The following KCNMA1 variants were observed in gnomAD, a reference collection of about 807,000 sequenced individuals.
KCNMA1 encodes Calcium-activated potassium channel subunit alpha-1.
KCNMA1 carries 29 observed loss-of-function variants against 140.0 expected under a neutral mutation model. The observed-to-expected ratio is 0.21, with a 90% confidence interval of 0.15 to 0.28. KCNMA1 has a LOEUF of 0.28. Among genes scored for constraint, KCNMA1 ranks in the 10% least tolerant of loss-of-function variants. The probability of loss-of-function intolerance (pLI) is 1.00; values close to 1 mark genes in which losing one functional copy is unlikely to be tolerated. For synonymous variants in KCNMA1, 612 were observed against 611.9 expected, an observed-to-expected ratio of 1.00 and a Z score of 0.00; for missense variants, 880 against 1,602.2, an observed-to-expected ratio of 0.55 and a Z score of 7.70.
At chr10:77,077,111 A>T (rs536183320) in intron 13 of KCNMA1, among the ~76,000 whole-genome samples, 30 of 152,350 alleles carry the variant, frequency 2.0e-4, no homozygotes, top group African/African-American at 7.2e-4. Context: ...CTCAGGAAAC[A>T]CAGCAAAACT....
chr10:76,954,072 C>T, intron 20 of KCNMA1, 148 bp from the exon 21 acceptor site: 1 of 942,206 alleles, frequency 1.1e-6, no homozygotes, highest in South Asian at 1.4e-5. Flanking sequence ...AGAATCCATC[C>T]TTTGAGAGAC....
At chr10:77,292,721 TA>T in intron 2 of KCNMA1, among the ~76,000 whole-genome samples, 1 of 152,348 alleles carries the variant, frequency 6.6e-6, no homozygotes, top group Non-Finnish European at 1.5e-5. Flanking sequence ...GCTAGGGTAA[TA>T]GTTCCCTACA....
rs539044917 is a variant in KCNMA1, at chr10:77,081,561, G to A, written c.1524-2011C>T. 4.3e-3 allele frequency among the ~76,000 whole-genome samples: 652 copies of A among 152,304 alleles called. 1 individual carries two copies. Among genetic ancestry groups the A allele is most frequent in the Non-Finnish European group, 7.1e-3 (482 of 68,030 alleles). ...TCACCCCTTTTAGTGCAGAAATGGA[G>A]AGAAGGCAGCCAGGGAGCAGCTTTA... On this transcript the variant is annotated intron_variant, in intron 12 of 27. Coordinates refer to ENST00000286628, the MANE Select transcript of KCNMA1 (RefSeq NM_001161352.2).
intron 1 of KCNMA1, among the ~76,000 whole-genome samples, chr10:77,449,833 G>A (rs953369424): frequency 2.3e-4 from 35 of 151,838 alleles, no homozygotes; most frequent in African/African-American, 7.0e-4. Flanking sequence ...TAGTAGAGAC[G>A]GGGTTTCACT....
rs563099556 is a variant in KCNMA1 at position 77,496,805 on chromosome 10, G to A, written c.379-92782C>T. 3.9e-5 allele frequency among the ~76,000 whole-genome samples: 6 copies of A among 152,194 alleles called. 1 individual carries two copies. In the South Asian group the frequency reaches 1.2e-3, roughly 32 times the overall value. On this transcript the variant is annotated intron_variant, in intron 1 of 27. Transcript: ENST00000286628. ...GTTGACCAGGACACAGCACTAGCAA[G>A]AGCCTGAGGACACCTGGCTCCTGCT...
chr10:77,148,641 T>G (rs1411143634), intron 5 of KCNMA1, among the ~76,000 whole-genome samples: 1 of 152,212 alleles, frequency 6.6e-6, no homozygotes, highest in Non-Finnish European at 1.5e-5. Context: ...TGCCAATTTT[T>G]TTCTGTAAAG....
At chr10:77,568,767 T>C (rs2069495164) in intron 1 of KCNMA1, among the ~76,000 whole-genome samples, 1 of 151,120 alleles carries the variant, frequency 6.6e-6, no homozygotes, top group African/African-American at 2.4e-5. Flanking sequence ...ATAAAGGGTA[T>C]TCAATTAGAA....
At chr10:77,017,916 C>T (rs1439585057) in intron 17 of KCNMA1, among the ~76,000 whole-genome samples, 1 of 152,116 alleles carries the variant, frequency 6.6e-6, no homozygotes, top group Non-Finnish European at 1.5e-5. Context: ...AACCTAGTAC[C>T]TAGAATAGTG....
At chr10:77,336,431 T>TA (rs545696225) in intron 2 of KCNMA1, among the ~76,000 whole-genome samples, 334 of 119,904 alleles carry the variant, frequency 2.8e-3, no homozygotes, top group African/African-American at 5.3e-3. Context: ...ACTCAATGCT[T>TA]AAAAAAAAAA....
chr10:77,031,894 TAGAATCTCATGACTGGCTGG>T lies in KCNMA1; in HGVS notation c.1860-4023_1860-4004del, dbSNP rs1034533440. Among the ~76,000 whole-genome samples the T allele has an allele frequency of 4.6e-5, 7 of 152,056 alleles. No individual in the cohort carries two copies. The South Asian group carries it at 1.0e-3, about 23-fold the overall frequency. ...AATAAATGCATGTATGAATGGGGAGTAGAATCTCATGACTGGCTGGAGGGATGGAGAAAAGATAAAGTGGC... is the reference window on the plus strand; with the variant it reads ...AATAAATGCATGTATGAATGGGGAGTAGGGATGGAGAAAAGATAAAGTGGC... On this transcript the variant is annotated intron_variant, in intron 15 of 27. Transcript: ENST00000286628.
At chr10:77,349,957 G>A (rs192335974) in intron 2 of KCNMA1, among the ~76,000 whole-genome samples, 4 of 151,602 alleles carry the variant, frequency 2.6e-5, no homozygotes, top group East Asian at 1.9e-4. Flanking sequence ...ATAGTGGTAC[G>A]ATCTCGGCTT....
At chr10:77,090,573 C>A in intron 9 of KCNMA1, 63 bp from the exon 10 acceptor site, 1 of 1,078,780 alleles carries the variant, frequency 9.3e-7, no homozygotes, top group Non-Finnish European at 1.4e-6. Flanking sequence ...ATCCCACCCC[C>A]TGGCAAGACA....
chr10:77,480,047 T>C (rs1002679380), intron 1 of KCNMA1, among the ~76,000 whole-genome samples: 1 of 152,210 alleles, frequency 6.6e-6, no homozygotes, highest in Non-Finnish European at 1.5e-5. Context: ...AACCGTCTCA[T>C]GGGCAGACCT....
At chr10:77,155,726 C>G (rs1279871997) in intron 5 of KCNMA1, among the ~76,000 whole-genome samples, 1 of 152,152 alleles carries the variant, frequency 6.6e-6, no homozygotes, top group South Asian at 2.1e-4. Flanking sequence ...AAAAATGAAC[C>G]TGGGTGAGTA....
chr10:77,468,862 A>C (rs7924171), intron 1 of KCNMA1, among the ~76,000 whole-genome samples: 32,366 of 152,134 alleles, frequency 0.21, 3,525 homozygotes, highest in Middle Eastern at 0.28. Flanking sequence ...GGTGTCCAGC[A>C]AATGTTTCTT....
At chr10:77,012,493 T>C (rs1407269232) in intron 17 of KCNMA1, 1 of 1,550,248 alleles carries the variant, frequency 6.5e-7, no homozygotes, top group Admixed American at 2.0e-5. Flanking sequence ...CAAATAAAAA[T>C]ATCAAGCTTG....
intron 1 of KCNMA1, among the ~76,000 whole-genome samples, chr10:77,579,107 G>T (rs553134418): frequency 2.2e-4 from 33 of 152,270 alleles, no homozygotes; most frequent in African/African-American, 7.9e-4. Context: ...AAGCCTTCTT[G>T]GAGAAGGGGA....
At chr10:77,602,121 T>C (rs2082847076) in intron 1 of KCNMA1, among the ~76,000 whole-genome samples, 1 of 152,220 alleles carries the variant, frequency 6.6e-6, no homozygotes, top group South Asian at 2.1e-4. Flanking sequence ...AACTCACCAA[T>C]GCCTGACAGC....
chr10:76,889,631 A>G (rs1037016750), intron 26 of KCNMA1, 62 bp from the exon 27 acceptor site: 7 of 1,328,518 alleles, frequency 5.3e-6, no homozygotes, highest in Admixed American at 3.4e-5. Context: ...ATCAAGGGAC[A>G]GCAGGGAAAC....
Sources: gnomAD v4.1 joint callset for allele counts (sites outside exome capture counted in the v4.1 genomes callset) on GRCh38, gnomAD v4.1.1 for gene constraint, MANE v1.5 for transcripts, NCBI Gene and HGNC (gene_info 2026-07-23, HGNC 2026-07-21) for gene names.